Variants in ALDH1A2 observed in about 807,000 individuals in gnomAD.
The protein encoded by ALDH1A2 is aldehyde dehydrogenase 1 family member A2, also known as retinal dehydrogenase 2.
In ALDH1A2, 27 loss-of-function variants were observed where a neutral mutation model predicts 60.3. The ratio of observed to expected loss-of-function variants is 0.45; its 90% confidence interval spans 0.33 to 0.62. ALDH1A2 has a LOEUF of 0.62. Among genes scored for constraint, ALDH1A2 ranks in the 20% least tolerant of loss-of-function variants. The probability of loss-of-function intolerance (pLI) is 0.02; values close to 1 mark genes in which losing one functional copy is unlikely to be tolerated. For synonymous variants in ALDH1A2, 289 were observed against 232.4 expected (o/e 1.24, Z -2.21); for missense variants, 581 against 643.8 (o/e 0.90, Z 1.06).
At position 58,014,215 on chromosome 15, in the gene ALDH1A2, T is replaced by A. The variant is rs1477421032; in HGVS notation, c.184A>T (p.Thr62Ser). The A allele has an allele frequency of 3.7e-6, 6 of 1,614,022 alleles. No individual in the cohort carries two copies. Among genetic ancestry groups the A allele is most frequent in the Non-Finnish European group, 5.1e-6 (6 of 1,179,994 alleles). ...GRVFPVYNPATGEQVCEVQEA... is the reference protein window; with the variant it reads ...GRVFPVYNPASGEQVCEVQEA... ...TGAACTTCACACACCTGTTCTCCTG[T>A]GGCTGGATTATAGACAGGGAACACT... The change falls in exon 2 of 13, where the codon ACA becomes TCA. Residue 62 changes from threonine to serine, a missense_variant. Around this residue, in one of 2 missense-constraint regions of ALDH1A2, gnomAD observed 206 missense variants for 174.1 expected, o/e 1.18. Coordinates refer to ENST00000249750, the MANE Select transcript of ALDH1A2 (RefSeq NM_003888.4).
At chr15:57,995,236 A>AAAAAAAAGAAAAATTTTGTGGG in intron 4 of ALDH1A2, 97 bp from the exon 5 acceptor site, 1 of 647,220 alleles carries the variant, frequency 1.5e-6, no homozygotes, top group Non-Finnish European at 2.6e-6. Context: ...AAAAAAAAAA[A>AAAAAAAAGAAAAATTTTGTGGG]CAAACAGAAA....
In ALDH1A2 at chr15:57,995,102, A is replaced by C; in HGVS notation, c.531T>G (p.Ile177Met). 6.2e-7 allele frequency: 1 copy of C among 1,613,106 alleles called. No individual in the cohort carries two copies. The highest frequency in any genetic ancestry group is 8.5e-7 in the Non-Finnish European group (1 of 1,179,396). ...CTGGGATGATCTGTCCACACACTCC[A>C]ATGGGTTCATGTCTTGTAAAGGTAA... ...DYFTFTRHEP[I>M]GVCGQIIPWN... Residue 177 changes from isoleucine to methionine, a missense_variant, in exon 5 of 13, where the codon ATT (isoleucine) becomes ATG (methionine). By Grantham distance (10) the Ile-to-Met change is conservative. Coordinates refer to ENST00000249750, the MANE Select transcript of ALDH1A2 (RefSeq NM_003888.4).
In ALDH1A2 at chr15:58,005,298, T is replaced by A. The variant is rs530215989; in HGVS notation, c.493+5351A>T. ...TCTCTCCTATGGTGTCCCACCAAAT[T>A]TCATGCTTCCATATCTAAATAGATC... On this transcript the variant is annotated intron_variant, in intron 4 of 12. Coordinates refer to ENST00000249750, the MANE Select transcript of ALDH1A2 (RefSeq NM_003888.4). 1.4e-4 allele frequency among the ~76,000 whole-genome samples: 22 copies of A among 152,140 alleles called. No homozygotes were observed. In the South Asian group the frequency reaches 4.6e-3, roughly 32 times the overall value.
rs973257201 is a variant in ALDH1A2, at chr15:58,034,602, T to C, written c.118-20321A>G. The stretch of plus-strand genomic sequence containing the variant: ...AATATTATGTTAGCTATAGGTTTTA[T>C]GTAGATGTTTTTCATCAGGTTGAGG... On this transcript the variant is annotated intron_variant, in intron 1 of 12. Transcript: ENST00000249750. Among the ~76,000 whole-genome samples, 5 of 151,788 alleles carry C rather than the reference T, an allele frequency of 3.3e-5. No individual in the cohort carries two copies. In the East Asian group the frequency reaches 5.8e-4, roughly 18 times the overall value.
At chr15:58,064,196 G>T (rs1390211225) in intron 1 of ALDH1A2, among the ~76,000 whole-genome samples, 1 of 151,992 alleles carries the variant, frequency 6.6e-6, no homozygotes, top group Non-Finnish European at 1.5e-5. Flanking sequence ...TTCCCTGCTC[G>T]TTCCTAAACC....
At chr15:57,996,534 G>A (rs1292305242) in intron 4 of ALDH1A2, among the ~76,000 whole-genome samples, 5 of 144,246 alleles carry the variant, frequency 3.5e-5, no homozygotes, top group Non-Finnish European at 6.0e-5. Context: ...AAGCTAGGAC[G>A]TCTTTTTAGT....
At chr15:57,989,207 G>T (rs1894812425) in intron 7 of ALDH1A2, among the ~76,000 whole-genome samples, 1 of 152,096 alleles carries the variant, frequency 6.6e-6, no homozygotes, top group South Asian at 2.1e-4. Context: ...AATGCTAGAA[G>T]TTAATTTATC....
At chr15:57,976,865 T>A (rs1894276622) in intron 7 of ALDH1A2, among the ~76,000 whole-genome samples, 1 of 152,174 alleles carries the variant, frequency 6.6e-6, no homozygotes, top group Non-Finnish European at 1.5e-5. Flanking sequence ...TTGAACTAAT[T>A]TATACTCCCA....
chr15:58,059,396 A>G (rs1409854883), intron 1 of ALDH1A2, among the ~76,000 whole-genome samples: 6 of 152,194 alleles, frequency 3.9e-5, no homozygotes, highest in African/African-American at 1.4e-4. Context: ...CTGCTCCTGG[A>G]AAATGCTCTC....
intron 1 of ALDH1A2, chr15:58,036,850 T>G (rs530253366): frequency 7.9e-5 from 12 of 151,686 alleles, no homozygotes; most frequent in African/African-American, 2.9e-4. Context: ...GCTGACATGT[T>G]AGAATAACAC....
In ALDH1A2 at chr15:57,955,186, T is replaced by C. The variant is rs764306515; in HGVS notation, c.*11A>G. 40 of 1,613,772 alleles carry C rather than the reference T, an allele frequency of 2.5e-5. No homozygotes were observed. The African/African-American group carries it at 4.0e-4, about 16-fold the overall frequency. The stretch of plus-strand genomic sequence containing the variant: ...CGTGCAGGCTGGGCTTCATCCTCCT[T>C]CTTGGCCTTCTTAGGAGTTCTTCTG... On this transcript the variant is annotated 3_prime_UTR_variant, in exon 13 of 13. Coordinates refer to ENST00000249750, the MANE Select transcript of ALDH1A2 (RefSeq NM_003888.4).
chr15:58,004,334 TC>T (rs1895374148), intron 4 of ALDH1A2, among the ~76,000 whole-genome samples: 2 of 151,878 alleles, frequency 1.3e-5, no homozygotes, highest in East Asian at 3.9e-4. Flanking sequence ...ATGCAATTTT[TC>T]AAATAGATTC....
At chr15:58,061,626 A>AAAAAAAAAAAC (rs1897041280) in intron 1 of ALDH1A2, among the ~76,000 whole-genome samples, 1 of 144,672 alleles carries the variant, frequency 6.9e-6, no homozygotes, top group Non-Finnish European at 1.5e-5. Flanking sequence ...AAAAAAAAAA[A>AAAAAAAAAAAC]CGGAACAAAA....
chr15:58,022,387 C>T (rs1362425868), intron 1 of ALDH1A2, among the ~76,000 whole-genome samples: 2 of 152,150 alleles, frequency 1.3e-5, no homozygotes, highest in African/African-American at 2.4e-5. Context: ...TCCAGCACAT[C>T]ACAGCCACTC....
chr15:58,030,657 A>C (rs1283274665), intron 1 of ALDH1A2, among the ~76,000 whole-genome samples: 4 of 152,150 alleles, frequency 2.6e-5, no homozygotes, highest in African/African-American at 9.7e-5. Flanking sequence ...TGTCAGCCCA[A>C]AATCTCCTTA....
At chr15:57,998,125 T>C (rs1224063154) in intron 4 of ALDH1A2, among the ~76,000 whole-genome samples, 1 of 151,994 alleles carries the variant, frequency 6.6e-6, no homozygotes, top group East Asian at 1.9e-4. Flanking sequence ...AGCATTCCCC[T>C]TGAAAACTAG....
intron 1 of ALDH1A2, among the ~76,000 whole-genome samples, chr15:58,024,654 G>C (rs1896026640): frequency 6.6e-6 from 1 of 152,000 alleles, no homozygotes; most frequent in African/African-American, 2.4e-5. Flanking sequence ...AGATCATCTA[G>C]GCAGAAAATC....
Position 57,954,921 on chromosome 15 carries a change from A to C in ALDH1A2, c.*276T>G. 2 of 530,778 alleles carry C rather than the reference A, an allele frequency of 3.8e-6. No individual in the cohort carries two copies. Among genetic ancestry groups the C allele is most frequent in the Non-Finnish European group, 3.4e-6 (1 of 293,812 alleles). The allele number at this position is 530,778 out of a possible 1,614,324, so 32.9% of individuals were successfully genotyped here. On this transcript the variant is annotated 3_prime_UTR_variant, in exon 13 of 13. Transcript: ENST00000249750. ...CCCTTATTTCATCCTGTGCTCCAGA[A>C]GGAGATACTGGATGTGTCTGCTAGC...
At chr15:58,038,334 G>A (rs796286123) in intron 1 of ALDH1A2, among the ~76,000 whole-genome samples, 1 of 151,546 alleles carries the variant, frequency 6.6e-6, no homozygotes, top group Non-Finnish European at 1.5e-5. Flanking sequence ...TTATCCCAGG[G>A]ATAAGGATAT....
Sources: allele counts gnomAD v4.1 joint callset (sites outside exome capture counted in the v4.1 genomes callset), GRCh38; gene constraint gnomAD v4.1.1; regional missense constraint gnomAD v4.1.1; transcripts MANE v1.5; gene names NCBI Gene and HGNC (gene_info 2026-07-23, HGNC 2026-07-21).